ANO1: variants seen among roughly 807,000 people sequenced by gnomAD.
ANO1 encodes the protein anoctamin-1.
A neutral mutation model predicts 124.0 loss-of-function variants in ANO1; 59 were observed. The ratio of observed to expected loss-of-function variants is 0.48; its 90% CI spans 0.39 to 0.59. The LOEUF (loss-of-function observed/expected upper bound fraction) is 0.59. ANO1 is among the 20% of genes least tolerant of loss of function. The probability of loss-of-function intolerance (pLI) is 0.00; values close to 1 mark genes in which losing one functional copy is unlikely to be tolerated. For synonymous variants in ANO1, 529 were observed against 532.0 expected (o/e 0.99, Z 0.08); for missense variants, 1,059 against 1,328.0 (o/e 0.80, Z 3.15).
At chr11:70,187,610 G>A in intron 25 of ANO1, 128 bp from the exon 26 acceptor site, 1 of 1,194,164 alleles carries the variant, frequency 8.4e-7, no homozygotes, top group Non-Finnish European at 1.2e-6. Flanking sequence ...GAAAACTGAG[G>A]CCCAGGGAGG....
intron 12 of ANO1, 64 bp from the exon 13 acceptor site, chr11:70,152,386 T>C (rs569072983): frequency 4.1e-6 from 6 of 1,457,750 alleles, no homozygotes; most frequent in Admixed American, 1.8e-5. Context: ...GTCCTATTTC[T>C]AAAATAACAA....
At chr11:69,974,100 C>T in the ANO1 span, among the ~76,000 whole-genome samples, 1 of 151,898 alleles carries the variant, frequency 6.6e-6, no homozygotes, top group African/African-American at 2.4e-5. Flanking sequence ...GGGTGGATCA[C>T]CTGAGGACAG....
At chr11:70,113,238 C>CAAAG (rs1478842850) in intron 7 of ANO1, among the ~76,000 whole-genome samples, 1 of 152,088 alleles carries the variant, frequency 6.6e-6, no homozygotes, top group African/African-American at 2.4e-5. Flanking sequence ...CCCTGTCCTG[C>CAAAG]AAAGACACCA....
At chr11:70,002,493 T>TA (rs1352708025) in intron 1 of ANO1, among the ~76,000 whole-genome samples, 1 of 119,486 alleles carries the variant, frequency 8.4e-6, no homozygotes, top group East Asian at 3.7e-4. Flanking sequence ...AAAAAACACT[T>TA]ACGATTATGT....
intron 6 of ANO1, among the ~76,000 whole-genome samples, chr11:70,111,411 C>T (rs930735006): frequency 4.6e-5 from 7 of 152,152 alleles, no homozygotes; most frequent in Non-Finnish European, 7.3e-5. Flanking sequence ...AGCCATGGTC[C>T]GCTCACACCG....
intron 6 of ANO1, chr11:70,111,032 C>T (rs567402067): frequency 2.7e-4 from 116 of 427,858 alleles, no homozygotes; most frequent in Admixed American, 5.5e-4. Context: ...GCTGTGAGTC[C>T]GCCAGAATCA....
intron 19 of ANO1, among the ~76,000 whole-genome samples, chr11:70,164,394 G>A (rs940065467): frequency 4.6e-5 from 7 of 152,220 alleles, no homozygotes; most frequent in Non-Finnish European, 1.0e-4. Flanking sequence ...GGCAGCCCAA[G>A]ACACGGGCCT....
chr11:70,058,436 C>A (rs782113123), intron 1 of ANO1, among the ~76,000 whole-genome samples: 1 of 152,170 alleles, frequency 6.6e-6, no homozygotes, highest in Non-Finnish European at 1.5e-5. Context: ...ACAACCGCAG[C>A]TAAAGAGTCA....
chr11:69,988,617 CCA>C (rs1317634169), intron 1 of ANO1, among the ~76,000 whole-genome samples: 1 of 152,166 alleles, frequency 6.6e-6, no homozygotes, highest in Non-Finnish European at 1.5e-5. Flanking sequence ...AACCACAAGC[CCA>C]CTCTCCCAGG....
chr11:70,181,778 GAA>G (rs537090488), intron 23 of ANO1, among the ~76,000 whole-genome samples: 3 of 139,646 alleles, frequency 2.1e-5, no homozygotes, highest in Non-Finnish European at 3.1e-5. Context: ...CTCTCTCTCT[GAA>G]AAAAAAAAAA....
chr11:70,065,017 A>T (rs1019910678), intron 1 of ANO1: 1 of 152,282 alleles, frequency 6.6e-6, no homozygotes, highest in Non-Finnish European at 1.5e-5. Flanking sequence ...AGGACTTAAA[A>T]AATATGTGGT....
At chr11:70,171,496 G>A (rs1411896808) in intron 22 of ANO1, among the ~76,000 whole-genome samples, 2 of 152,196 alleles carry the variant, frequency 1.3e-5, no homozygotes, top group Non-Finnish European at 2.9e-5. Context: ...AGAAAAGGAA[G>A]GAAGGAGCCC....
At position 70,155,957 on chromosome 11, in the gene ANO1, G is replaced by C; in HGVS notation, c.1472G>C (p.Arg491Thr). The change falls in exon 15 of 26, where the codon AGG becomes ACG. Residue 491 changes from arginine (R) to threonine (T), a missense_variant. Physicochemically the swap from Arg to Thr is moderately conservative, Grantham distance 71. Coordinates refer to ENST00000355303, the MANE Select transcript of ANO1 (RefSeq NM_018043.7). Reference sequence around the variant, plus strand: ...GAGTCAACAAACAAATGGAAGCAGAGGGTTAAGACAGCCATGGCGGGGGTG... The same window carrying C: ...GAGTCAACAAACAAATGGAAGCAGACGGTTAAGACAGCCATGGCGGGGGTG... Reference protein sequence around the residue: ...PEESTNKWKQRVKTAMAGVKL... With the variant: ...PEESTNKWKQTVKTAMAGVKL... 6.5e-7 allele frequency: 1 copy of C among 1,536,926 alleles called. No individual in the cohort carries two copies. The highest frequency in any genetic ancestry group is 8.8e-7 in the Non-Finnish European group (1 of 1,141,920).
intron 1 of ANO1, chr11:70,021,154 A>G (rs1591039297): frequency 6.6e-6 from 1 of 152,158 alleles, no homozygotes; most frequent in African/African-American, 2.4e-5. Flanking sequence ...CATGCCCATA[A>G]TCCTCCTGTC....
chr11:70,128,811 G>GA (rs1193236077), intron 10 of ANO1, among the ~76,000 whole-genome samples: 1 of 152,246 alleles, frequency 6.6e-6, no homozygotes, highest in Non-Finnish European at 1.5e-5. Flanking sequence ...AAAACCAGCA[G>GA]AAAAAGGCTT....
chr11:69,982,874 G>C (rs1591014873), upstream of ANO1, among the ~76,000 whole-genome samples: 1 of 152,340 alleles, frequency 6.6e-6, no homozygotes, highest in Non-Finnish European at 1.5e-5. Flanking sequence ...GACTTCCTGA[G>C]ATCATGCGAA....
chr11:70,134,506 A>G (rs2046878868), intron 11 of ANO1, among the ~76,000 whole-genome samples: 1 of 152,218 alleles, frequency 6.6e-6, no homozygotes, highest in Non-Finnish European at 1.5e-5. Flanking sequence ...GGCGACGGAC[A>G]TGAACTCTCA....
intron 11 of ANO1, among the ~76,000 whole-genome samples, chr11:70,144,186 G>A (rs2047261951): frequency 6.6e-6 from 1 of 152,178 alleles, no homozygotes; most frequent in South Asian, 2.1e-4. Flanking sequence ...CAAACGGGGT[G>A]GTACAAAATG....
At chr11:70,023,986 C>T (rs1856848971) in intron 1 of ANO1, among the ~76,000 whole-genome samples, 1 of 152,232 alleles carries the variant, frequency 6.6e-6, no homozygotes, top group Admixed American at 6.5e-5. Flanking sequence ...AGACAGAAAA[C>T]CCAAGACCAG....
Sources: allele counts gnomAD v4.1 joint callset (sites outside exome capture counted in the v4.1 genomes callset), GRCh38; gene constraint gnomAD v4.1.1; transcripts MANE v1.5; gene names NCBI Gene and HGNC (gene_info 2026-07-23, HGNC 2026-07-21).